Variants in NAALADL2 observed in about 807,000 individuals in gnomAD.
NAALADL2 encodes the protein inactive N-acetylated-alpha-linked acidic dipeptidase-like protein 2.
NAALADL2 carries 76 observed loss-of-function variants against 87.2 expected under a neutral mutation model. The ratio of observed to expected loss-of-function variants is 0.87; its 90% CI spans 0.72 to 1.05. The LOEUF (loss-of-function observed/expected upper bound fraction) is 1.05, where lower values mean the gene tolerates loss of function less well. Ranked by LOEUF, NAALADL2 falls within the 50% of genes least tolerant of loss-of-function variation. NAALADL2 has a pLI of 0.00. For missense variants in NAALADL2, 1,089 were observed against 945.8 expected (o/e 1.15, Z -1.99); for synonymous variants, 354 against 331.0 (o/e 1.07, Z -0.75).
At chr3:175,325,124 T>A (rs1343356035) in intron 5 of NAALADL2, among the ~76,000 whole-genome samples, 1 of 152,160 alleles carries the variant, frequency 6.6e-6, no homozygotes, top group Non-Finnish European at 1.5e-5. Flanking sequence ...ATTATGTAAT[T>A]ATTTATGTGT....
intron 3 of NAALADL2, among the ~76,000 whole-genome samples, chr3:174,739,346 G>A (rs1733530697): frequency 6.6e-6 from 1 of 152,102 alleles, no homozygotes; most frequent in African/African-American, 2.4e-5. Flanking sequence ...TTTTGGCTCA[G>A]TTTAAGTCAG....
At position 175,342,795 on chromosome 3, in the gene NAALADL2, A is replaced by T. The variant is rs1007331456; in HGVS notation, c.1090+18470A>T. ...TTTTGCTGCCTAATCAAAACTTCAC[A>T]ACTGGTATTGTCCTCAGATACAGCT... On this transcript the variant is annotated intron_variant, in intron 5 of 13. Coordinates refer to ENST00000454872, the MANE Select transcript of NAALADL2 (RefSeq NM_207015.3). 2.0e-5 allele frequency among the ~76,000 whole-genome samples: 3 copies of T among 152,074 alleles called. No homozygotes were observed. The South Asian group carries it at 6.2e-4, about 31-fold the overall frequency.
chr3:174,610,289 A>G (rs1287451923), intron 2 of NAALADL2, among the ~76,000 whole-genome samples: 567 of 152,000 alleles, frequency 3.7e-3, no homozygotes, highest in Non-Finnish European at 5.5e-3. Flanking sequence ...CAAAAGCAAT[A>G]GCAACAAAAG....
intron 9 of NAALADL2, among the ~76,000 whole-genome samples, chr3:175,477,706 G>A (rs532639485): frequency 1.3e-5 from 2 of 152,190 alleles, no homozygotes; most frequent in African/African-American, 4.8e-5. Context: ...TAGTCACTGT[G>A]CAAAAAATGT....
rs370643065 is a variant in NAALADL2, at chr3:174,807,209, CT to C, written c.-9+69471del. On this transcript the variant is annotated intron_variant, in intron 3 of 3. Transcript: ENST00000434257. ...TTACATTAGCATTTTTACCACCCAA[CT>C]TTTTTTTCTTCATGAATATCATAAT... Among the ~76,000 whole-genome samples the C allele has an allele frequency of 4.4e-3, 666 of 151,990 alleles. 6 individuals carry two copies. Among genetic ancestry groups the C allele is most frequent in the African/African-American group, 0.015 (636 of 41,492 alleles).
intron 2 of NAALADL2, among the ~76,000 whole-genome samples, chr3:175,209,864 C>T (rs963131318): frequency 6.6e-6 from 1 of 151,276 alleles, no homozygotes. Flanking sequence ...GATTAACACA[C>T]TTATGTGCAG....
intron 2 of NAALADL2, among the ~76,000 whole-genome samples, chr3:175,184,085 G>A (rs1306011011): frequency 2.0e-5 from 3 of 151,910 alleles, no homozygotes; most frequent in Admixed American, 2.0e-4. Flanking sequence ...AGTGTTTCCT[G>A]TACTATGATT....
intron 3 of NAALADL2, among the ~76,000 whole-genome samples, chr3:174,768,002 T>G (rs951731703): frequency 3.3e-5 from 5 of 152,182 alleles, no homozygotes; most frequent in African/African-American, 1.2e-4. Context: ...TATTAGAAAC[T>G]GTTACCTCAA....
intron 5 of NAALADL2, among the ~76,000 whole-genome samples, chr3:175,423,169 G>C (rs1327330125): frequency 3.4e-4 from 2 of 5,910 alleles, no homozygotes; most frequent in African/African-American, 1.5e-3. Context: ...AAGAAAGGGA[G>C]GGGGGGGTCT....
chr3:174,540,693 A>G (rs1024726601), intron 1 of NAALADL2: 3 of 152,214 alleles, frequency 2.0e-5, no homozygotes, highest in Non-Finnish European at 4.4e-5. Context: ...TCATGCTAAC[A>G]TGCCCTATTT....
At chr3:174,572,123 C>T (rs1344623614) in intron 2 of NAALADL2, among the ~76,000 whole-genome samples, 1 of 151,940 alleles carries the variant, frequency 6.6e-6, no homozygotes, top group African/African-American at 2.4e-5. Context: ...TCTTCTTCTT[C>T]CTTCTTCTTT....
chr3:175,258,514 G>T (rs1040206853), intron 4 of NAALADL2, among the ~76,000 whole-genome samples: 2 of 152,010 alleles, frequency 1.3e-5, no homozygotes, highest in African/African-American at 4.8e-5. Flanking sequence ...CCATGATAAA[G>T]AAACGTGAAC....
chr3:175,555,497 A>T (rs1043269489), intron 9 of NAALADL2, among the ~76,000 whole-genome samples: 3 of 152,176 alleles, frequency 2.0e-5, no homozygotes, highest in Non-Finnish European at 4.4e-5. Flanking sequence ...TTTAAACAAT[A>T]TATTCCTTAT....
intron 1 of NAALADL2, among the ~76,000 whole-genome samples, chr3:174,964,732 C>T (rs2108576751): frequency 6.6e-6 from 1 of 152,056 alleles, no homozygotes; most frequent in South Asian, 2.1e-4. Flanking sequence ...TCATATATTC[C>T]TCCTGCTGCT....
At chr3:175,718,158 G>A in intron 11 of NAALADL2, 3 of 1,155,924 alleles carry the variant, frequency 2.6e-6, no homozygotes, top group Admixed American at 2.7e-5. Context: ...AATGAAGACT[G>A]ATTAAATCGA....
chr3:175,767,069 T>C (rs1748797277), intron 13 of NAALADL2, among the ~76,000 whole-genome samples: 2 of 152,152 alleles, frequency 1.3e-5, no homozygotes, highest in Admixed American at 6.5e-5. Context: ...GCTACACTAG[T>C]TGACAAGGAA....
At chr3:175,605,145 A>G (rs1723510231) in intron 10 of NAALADL2, among the ~76,000 whole-genome samples, 1 of 152,154 alleles carries the variant, frequency 6.6e-6, no homozygotes, top group South Asian at 2.1e-4. Context: ...GATGTCATTC[A>G]TCTACTCATG....
chr3:174,853,201 CAAAAAAAAAA>C (rs34303846), intron 3 of NAALADL2, among the ~76,000 whole-genome samples: 3 of 45,624 alleles, frequency 6.6e-5, no homozygotes, highest in South Asian at 9.5e-4. Flanking sequence ...CCGTCTCTAC[CAAAAAAAAAA>C]AAAAAAAAAA....
chr3:174,664,322 G>A (rs180733591), intron 2 of NAALADL2, among the ~76,000 whole-genome samples: 2 of 152,046 alleles, frequency 1.3e-5, no homozygotes, highest in African/African-American at 2.4e-5. Context: ...TTCTTTTAGC[G>A]ATCGGACATA....
Sources: allele counts gnomAD v4.1 joint callset (sites outside exome capture counted in the v4.1 genomes callset), GRCh38; gene constraint gnomAD v4.1.1; transcripts MANE v1.5; gene names NCBI Gene and HGNC (gene_info 2026-07-23, HGNC 2026-07-21).